The following PIK3CD variants were observed in gnomAD, a reference collection of about 807,000 sequenced individuals.
PIK3CD encodes the protein phosphatidylinositol 4,5-bisphosphate 3-kinase catalytic subunit delta isoform.
In PIK3CD, 20 loss-of-function variants were observed where a neutral mutation model predicts 122.9. That is an observed-to-expected ratio of 0.16 (90% confidence interval 0.11 to 0.24). The LOEUF (loss-of-function observed/expected upper bound fraction) is 0.24, where lower values mean the gene tolerates loss of function less well. PIK3CD is among the 10% of genes least tolerant of loss of function. PIK3CD has a pLI of 1.00. For missense variants in PIK3CD, 787 were observed against 1,406.3 expected (o/e 0.56, Z 7.04); for synonymous variants, 596 against 593.4 (o/e 1.00, Z -0.06).
intron 2 of PIK3CD, among the ~76,000 whole-genome samples, chr1:9,692,661 C>G (rs764578129): frequency 6.6e-6 from 1 of 151,246 alleles, no homozygotes; most frequent in Non-Finnish European, 1.5e-5. Context: ...ACCCAGGAGG[C>G]GGAGGTTGCA....
intron 2 of PIK3CD, among the ~76,000 whole-genome samples, chr1:9,709,321 G>C (rs543786702): frequency 2.1e-4 from 32 of 152,170 alleles, no homozygotes; most frequent in African/African-American, 7.2e-4. Flanking sequence ...TGGGATTACA[G>C]ATGTGAGCCA....
chr1:9,713,566 A>C (rs1256077263), intron 3 of PIK3CD, among the ~76,000 whole-genome samples: 1 of 151,768 alleles, frequency 6.6e-6, no homozygotes, highest in Non-Finnish European at 1.5e-5. Flanking sequence ...CATTTTATTC[A>C]TGTTATTAAC....
chr1:9,726,877 T>G (rs757444136), intron 23 of PIK3CD, 32 bp from the exon 24 acceptor site: 2 of 1,613,492 alleles, frequency 1.2e-6, no homozygotes, highest in Non-Finnish European at 1.7e-6. Context: ...CCGGGCCCCC[T>G]TAACGTGGAC....
At chr1:9,726,839 C>T (rs1470438738) in intron 23 of PIK3CD, 70 bp from the exon 24 acceptor site, 7 of 1,592,946 alleles carry the variant, frequency 4.4e-6, no homozygotes, top group South Asian at 3.3e-5. Flanking sequence ...CTGAAGTCCC[C>T]AGAGAGGGAC....
rs756131897 is a variant in PIK3CD, at chr1:9,710,603, C to T, written c.141+7C>T. 6.2e-7 allele frequency: 1 copy of T among 1,613,356 alleles called. No individual in the cohort carries two copies. Among genetic ancestry groups the T allele is most frequent in the South Asian group, 1.1e-5 (1 of 91,034 alleles). On this transcript the variant is annotated splice_region_variant and intron_variant, in intron 3 of 23. Coordinates refer to ENST00000377346, the MANE Select transcript of PIK3CD (RefSeq NM_005026.5). The surrounding 1 kb of genome is among the most constrained non-coding windows in gnomAD (Gnocchi z 4.7). ...CCTCAGCACCATCAAGCAGGTATGG[C>T]CTCCATCCGGTCCTCAGACCTTGGT...
chr1:9,718,172 C>T lies in PIK3CD; in HGVS notation c.1021-522C>T. 2.2e-6 allele frequency: 1 copy of T among 464,144 alleles called. No homozygotes were observed. Among genetic ancestry groups the T allele is most frequent in the South Asian group, 1.5e-5 (1 of 64,626 alleles). 28.8% of individuals were successfully genotyped at this position (464,144 alleles called of 1,614,324 possible). ...GAGTCCTCAGAGGTTGGCCCTCCTG[C>T]CTGGAGTGTGTTTCACTGGGGAAAT... On this transcript the variant is annotated intron_variant, in intron 8 of 23. Transcript: ENST00000377346. This position sits in a 1 kb window ranked among gnomAD's most constrained non-coding sequence, Gnocchi z 7.2.
Position 9,718,830 on chromosome 1 carries a change from G to A in PIK3CD, c.1157G>A (p.Arg386His), listed in dbSNP as rs373591202. The change falls in exon 9 of 24, where the codon CGC (arginine) becomes CAC (histidine). Residue 386 changes from arginine to histidine, a missense_variant. Coordinates refer to ENST00000377346, the MANE Select transcript of PIK3CD (RefSeq NM_005026.5). The surrounding 1 kb of genome is among the most constrained non-coding windows in gnomAD (Gnocchi z 7.2). ...GACATCAACATCTGCGACCTGCCCC[G>A]CATGGCCCGTCTCTGCTTTGCGCTG... ...EFDINICDLPRMARLCFALYA... is the reference protein window; with the variant it reads ...EFDINICDLPHMARLCFALYA... 6.8e-6 allele frequency: 11 copies of A among 1,612,710 alleles called. No individual in the cohort carries two copies. Among genetic ancestry groups the A allele is most frequent in the East Asian group, 2.2e-5 (1 of 44,882 alleles).
chr1:9,661,734 C>T (rs547939346), intron 1 of PIK3CD, among the ~76,000 whole-genome samples: 2 of 152,144 alleles, frequency 1.3e-5, no homozygotes, highest in Non-Finnish European at 1.5e-5. Flanking sequence ...CGGTGGCTCA[C>T]GCCTGTAATC....
At chr1:9,636,278 C>T in the PIK3CD span, among the ~76,000 whole-genome samples, 8 of 152,284 alleles carry the variant, frequency 5.3e-5, no homozygotes, top group East Asian at 7.7e-4. Flanking sequence ...ACTTCAGCCT[C>T]CACCTCCTGG....
chr1:9,725,151 T>C (rs1285955835), intron 23 of PIK3CD, among the ~76,000 whole-genome samples: 1 of 152,216 alleles, frequency 6.6e-6, no homozygotes, highest in African/African-American at 2.4e-5. Context: ...TTCCACTCAG[T>C]GGCAGATGTG....
chr1:9,663,276 C>T (rs1434165375), intron 1 of PIK3CD, among the ~76,000 whole-genome samples: 1 of 152,202 alleles, frequency 6.6e-6, no homozygotes, highest in Non-Finnish European at 1.5e-5. Flanking sequence ...GGGCCTCCCA[C>T]CAGGGAAGCT....
chr1:9,631,661 C>G, the PIK3CD span, among the ~76,000 whole-genome samples: 886 of 152,198 alleles, frequency 5.8e-3, 5 homozygotes, highest in Non-Finnish European at 7.6e-3. Flanking sequence ...GAGCAAGACT[C>G]CAACTCAGAA....
At position 9,727,145 on chromosome 1, in the gene PIK3CD, A is replaced by C; in HGVS notation, c.*99A>C. 7.4e-7 allele frequency: 1 copy of C among 1,344,096 alleles called. No homozygotes were observed. Among genetic ancestry groups the C allele is most frequent in the Non-Finnish European group, 1.1e-6 (1 of 945,716 alleles). 83.3% of individuals were successfully genotyped at this position (1,344,096 alleles called of 1,614,324 possible). A position where few individuals can be genotyped will look rare whatever the true frequency, so the allele number is the denominator to read the frequency against. On this transcript the variant is annotated 3_prime_UTR_variant, in exon 24 of 24. Transcript: ENST00000377346. ...GGCTGAAGAGCCTGAACTGCACCTAACGGGAAAGAACCGACATGGCTGCCT... is the reference window on the plus strand; with the variant it reads ...GGCTGAAGAGCCTGAACTGCACCTACCGGGAAAGAACCGACATGGCTGCCT...
chr1:9,686,790 G>T (rs1336047259), intron 1 of PIK3CD, among the ~76,000 whole-genome samples: 2 of 152,204 alleles, frequency 1.3e-5, no homozygotes, highest in African/African-American at 4.8e-5. Context: ...CTCCATCTCT[G>T]CCACTAACTA....
the PIK3CD span, among the ~76,000 whole-genome samples, chr1:9,637,420 T>C: frequency 1.3e-5 from 2 of 152,162 alleles, no homozygotes; most frequent in Non-Finnish European, 2.9e-5. Context: ...TCCCAGCTAC[T>C]CCACAGGATC....
At chr1:9,708,525 G>T (rs1423916383) in intron 2 of PIK3CD, among the ~76,000 whole-genome samples, 2 of 152,088 alleles carry the variant, frequency 1.3e-5, no homozygotes, top group Non-Finnish European at 2.9e-5. Flanking sequence ...ATTGGATGTG[G>T]ATACATGTTG....
chr1:9,645,381 G>A, the PIK3CD span, among the ~76,000 whole-genome samples: 1 of 152,000 alleles, frequency 6.6e-6, no homozygotes, highest in Admixed American at 6.6e-5. Flanking sequence ...GTCATGATAA[G>A]TCCCTAGGGT....
chr1:9,708,528 A>G (rs576148234), intron 2 of PIK3CD, among the ~76,000 whole-genome samples: 6 of 152,254 alleles, frequency 3.9e-5, no homozygotes, highest in Admixed American at 6.5e-5. Context: ...GGATGTGGAT[A>G]CATGTTGGTA....
At chr1:9,716,408 G>T (rs773818051) in intron 5 of PIK3CD, 32 bp from the exon 6 acceptor site, 12 of 1,609,112 alleles carry the variant, frequency 7.5e-6, no homozygotes, top group Admixed American at 5.0e-5. Context: ...GGGGCCTCGA[G>T]GGCAGAGGAC....
Sources: gnomAD v4.1 joint callset for allele counts (sites outside exome capture counted in the v4.1 genomes callset) on GRCh38, gnomAD v4.1.1 for gene constraint, Gnocchi (gnomAD v3.1) non-coding constraint, MANE v1.5 for transcripts, NCBI Gene and HGNC (gene_info 2026-07-23, HGNC 2026-07-21) for gene names.